The following MAX variants were observed in gnomAD, a reference collection of about 807,000 sequenced individuals.
MAX encodes protein max.
In MAX, 3 loss-of-function variants were observed where a neutral mutation model predicts 22.3. The observed-to-expected ratio is 0.13, with a 90% CI of 0.06 to 0.35. The LOEUF is 0.35. Ranked by LOEUF, MAX falls within the 10% of genes least tolerant of loss-of-function variation. The pLI, the probability that MAX is intolerant of heterozygous loss-of-function variation, is 1.00. For synonymous variants in MAX, 72 were observed against 77.7 expected (o/e 0.93, Z 0.39); for missense variants, 119 against 209.4 (o/e 0.57, Z 2.66).
At chr14:65,016,103 G>A (rs2061768325) in intron 3 of MAX, among the ~76,000 whole-genome samples, 1 of 152,158 alleles carries the variant, frequency 6.6e-6, no homozygotes, top group South Asian at 2.1e-4. Flanking sequence ...AAATGCCTTT[G>A]CCTTTCCTAC....
chr14:65,013,426 T>C (rs1303744092), intron 3 of MAX, among the ~76,000 whole-genome samples: 1 of 152,028 alleles, frequency 6.6e-6, no homozygotes, highest in Non-Finnish European at 1.5e-5. Flanking sequence ...TACACATCCA[T>C]GGGCTAGATT....
intron 3 of MAX, chr14:65,053,180 G>T: frequency 7.9e-7 from 1 of 1,266,778 alleles, no homozygotes. Flanking sequence ...AGTGGAATTA[G>T]GTCATTGATA....
In MAX at chr14:65,029,458, T is replaced by G. The variant is rs2139580536; in HGVS notation, c.172-23174A>C. 6.6e-6 allele frequency among the ~76,000 whole-genome samples: 1 copy of G among 152,340 alleles called. No homozygotes were observed. The highest frequency in any genetic ancestry group is 2.1e-4 in the South Asian group (1 of 4,830). On this transcript the variant is annotated intron_variant, in intron 3 of 3. Coordinates refer to the MAX transcript ENST00000341653. The surrounding 1 kb of genome is among the most constrained non-coding windows in gnomAD (Gnocchi z 4.7). The stretch of plus-strand genomic sequence containing the variant: ...GGATGATCTTTCTGCTCTGTTACAC[T>G]GCTGATAGTTTCAGAGATGAGCCTA...
At position 65,027,675 on chromosome 14, in the gene MAX, C is replaced by T; in HGVS notation, c.172-21391G>A. The T allele has an allele frequency of 1.9e-6, 3 of 1,614,182 alleles. No homozygotes were observed. The South Asian group carries it at 3.3e-5, about 18-fold the overall frequency. On this transcript the variant is annotated intron_variant, in intron 3 of 3. Coordinates refer to the MAX transcript ENST00000341653. The surrounding 1 kb of genome is among the most constrained non-coding windows in gnomAD (Gnocchi z 5.7). ...TGACACGCACTGACTGTTGCCTCTC[C>T]TACCTCTTTCCCTGTTTCTCAGAGA...
intron 2 of MAX, among the ~76,000 whole-genome samples, chr14:65,099,530 C>T (rs998894435): frequency 1.3e-4 from 13 of 101,464 alleles, no homozygotes; most frequent in African/African-American, 8.5e-4. Flanking sequence ...CAAAATTTCA[C>T]CAAAAAAACA....
chr14:65,018,928 T>C (rs1228568542), intron 3 of MAX, among the ~76,000 whole-genome samples: 2 of 151,782 alleles, frequency 1.3e-5, no homozygotes, highest in Non-Finnish European at 1.5e-5. Context: ...CTGGCCAACA[T>C]GGAGAAACCC....
intron 2 of MAX, chr14:65,094,152 G>A (rs1408753703): frequency 5.6e-6 from 2 of 358,752 alleles, no homozygotes; most frequent in Non-Finnish European, 1.1e-5. Context: ...AGAGCCACCA[G>A]TCTGTGGTTA....
rs762425407 is a variant in MAX at position 65,084,161 on chromosome 14, G to C, written c.172-6125C>G. The C allele has an allele frequency of 3.8e-5, 61 of 1,612,858 alleles. No individual in the cohort carries two copies. Among genetic ancestry groups the C allele is most frequent in the Non-Finnish European group, 4.2e-5 (49 of 1,179,258 alleles). On this transcript the variant is annotated intron_variant, in intron 3 of 4. Coordinates refer to ENST00000358664, the MANE Select transcript of MAX (RefSeq NM_002382.5). This position sits in a 1 kb window ranked among gnomAD's most constrained non-coding sequence, Gnocchi z 4.3. ...GCCAGGAGTAAGACATTTGTGTAAGGGGTCAAAACAATCATTTTTTAAATC... is the reference window on the plus strand; with the variant it reads ...GCCAGGAGTAAGACATTTGTGTAAGCGGTCAAAACAATCATTTTTTAAATC...
At chr14:65,041,006 G>T in intron 3 of MAX, 2 of 1,555,206 alleles carry the variant, frequency 1.3e-6, no homozygotes, top group Non-Finnish European at 1.7e-6. Flanking sequence ...AGGAGAGTTT[G>T]GCTATGGGAA....
rs557067326 is a variant in MAX at position 65,008,293 on chromosome 14, G to C, written c.172-2009C>G. Among the ~76,000 whole-genome samples, 248 of 152,292 alleles carry C rather than the reference G, an allele frequency of 1.6e-3. 1 individual carries two copies. The highest frequency in any genetic ancestry group is 5.5e-3 in the African/African-American group (228 of 41,550). The stretch of plus-strand genomic sequence containing the variant: ...TGTTTTCCAGGATGGCCCAGGTTTG[G>C]GGGGAGGAAGTGGCTTTGCTCTCAT... On this transcript the variant is annotated intron_variant, in intron 3 of 3. Transcript: ENST00000341653.
chr14:65,035,362 C>T (rs908269006), intron 3 of MAX, among the ~76,000 whole-genome samples: 2 of 152,174 alleles, frequency 1.3e-5, no homozygotes, highest in Non-Finnish European at 2.9e-5. Context: ...GTCAGCTGAA[C>T]CCTCAGGAAG....
chr14:65,016,919 G>GGTT (rs2061784465), intron 3 of MAX, among the ~76,000 whole-genome samples: 2 of 121,140 alleles, frequency 1.7e-5, no homozygotes, highest in African/African-American at 6.4e-5. Flanking sequence ...AGGCCCACGT[G>GGTT]GTTTTTTTTT....
chr14:65,027,573 C>G lies in MAX; in HGVS notation c.172-21289G>C, dbSNP rs780656923. 5.6e-6 allele frequency: 9 copies of G among 1,614,002 alleles called. No homozygotes were observed. The highest frequency in any genetic ancestry group is 7.6e-6 in the Non-Finnish European group (9 of 1,180,016). On this transcript the variant is annotated intron_variant, in intron 3 of 3. Transcript: ENST00000341653. The surrounding 1 kb of genome is among the most constrained non-coding windows in gnomAD (Gnocchi z 5.7). The stretch of plus-strand genomic sequence containing the variant: ...TCAATGCATTGTGCATCATTGGCAC[C>G]GAGGAGGCCTATGACATCATTAACA...
At chr14:65,052,719 G>A (rs2062643364) in intron 3 of MAX, among the ~76,000 whole-genome samples, 1 of 152,234 alleles carries the variant, frequency 6.6e-6, no homozygotes, top group South Asian at 2.1e-4. Flanking sequence ...TTTGAGCTGA[G>A]AGACAAGTTA....
chr14:65,082,946 C>T lies in MAX; in HGVS notation c.172-4910G>A, dbSNP rs554698294. 6.6e-6 allele frequency among the ~76,000 whole-genome samples: 1 copy of T among 152,294 alleles called. No homozygotes were observed. The highest frequency in any genetic ancestry group is 2.1e-4 in the South Asian group (1 of 4,824). ...GAGAGAACTGACCTAACCATCTGGT[C>T]TGGAGGGCAGAAGTGGAAGGTTAGG... On this transcript the variant is annotated intron_variant, in intron 3 of 4. Transcript: ENST00000358664. The surrounding 1 kb of genome is among the most constrained non-coding windows in gnomAD (Gnocchi z 4.8).
downstream of MAX, among the ~76,000 whole-genome samples, chr14:65,071,168 GTCTT>G (rs2139720606): frequency 6.6e-6 from 1 of 151,890 alleles, no homozygotes; most frequent in African/African-American, 2.4e-5. The surrounding 1 kb of genome is among the most constrained non-coding windows in gnomAD (Gnocchi z 4.2). Flanking sequence ...CTGAGAAGGA[GTCTT>G]GCTGTGTCAC....
chr14:65,037,323 C>G (rs1222616664), intron 3 of MAX, among the ~76,000 whole-genome samples: 3 of 139,258 alleles, frequency 2.2e-5, no homozygotes, highest in African/African-American at 7.9e-5. Context: ...AGGCTGGTCT[C>G]GAACTCCTGA....
chr14:65,038,107 C>T (rs2062255443), intron 3 of MAX, among the ~76,000 whole-genome samples: 1 of 152,068 alleles, frequency 6.6e-6, no homozygotes, highest in Non-Finnish European at 1.5e-5. Flanking sequence ...ATTTGATTGT[C>T]TGACTTTTAA....
At chr14:65,051,797 A>ATTTT (rs776155113) in intron 3 of MAX, among the ~76,000 whole-genome samples, 1 of 142,098 alleles carries the variant, frequency 7.0e-6, no homozygotes, top group Non-Finnish European at 1.5e-5. Flanking sequence ...CACCATAGGA[A>ATTTT]TTTTTTTTTT....
Sources: gnomAD v4.1 joint callset for allele counts (sites outside exome capture counted in the v4.1 genomes callset) on GRCh38, gnomAD v4.1.1 for gene constraint, Gnocchi (gnomAD v3.1) non-coding constraint, MANE v1.5 for transcripts, NCBI Gene and HGNC (gene_info 2026-07-23, HGNC 2026-07-21) for gene names.